Variants in TBC1D14 observed in about 807,000 individuals in gnomAD.
TBC1D14 encodes the protein TBC1 domain family, member 14.
TBC1D14 carries 26 observed loss-of-function variants against 79.0 expected under a neutral mutation model. The ratio of observed to expected loss-of-function variants is 0.33; its 90% CI spans 0.24 to 0.46. The LOEUF (loss-of-function observed/expected upper bound fraction) is 0.46. Ranked by LOEUF, TBC1D14 falls within the 20% of genes least tolerant of loss-of-function variation. The probability of loss-of-function intolerance (pLI) is 1.00; values close to 1 mark genes in which losing one functional copy is unlikely to be tolerated. For missense variants in TBC1D14, 769 were observed against 887.6 expected (o/e 0.87, Z 1.70); for synonymous variants, 394 against 349.9 (o/e 1.13, Z -1.40).
intron 3 of TBC1D14, among the ~76,000 whole-genome samples, chr4:6,975,762 A>G (rs1464161814): frequency 6.6e-6 from 1 of 152,234 alleles, no homozygotes; most frequent in African/African-American, 2.4e-5. Context: ...TGGAGATGGT[A>G]GAGGAAAGAG....
chr4:6,977,916 G>C (rs1423641311), intron 3 of TBC1D14, among the ~76,000 whole-genome samples: 2 of 148,406 alleles, frequency 1.3e-5, no homozygotes, highest in Non-Finnish European at 3.0e-5. Context: ...TGTGAGGAGC[G>C]TCTCTGCCCG....
intron 2 of TBC1D14, among the ~76,000 whole-genome samples, chr4:6,929,287 G>T (rs1482074064): frequency 6.6e-6 from 1 of 152,156 alleles, no homozygotes; most frequent in Non-Finnish European, 1.5e-5. Flanking sequence ...GCGATGAAAG[G>T]ACCATTCTAA....
intron 2 of TBC1D14, among the ~76,000 whole-genome samples, chr4:6,941,073 G>T (rs976681717): frequency 2.6e-5 from 4 of 152,002 alleles, no homozygotes; most frequent in Non-Finnish European, 4.4e-5. Context: ...TGGCTGTTCC[G>T]TGATCAACCA....
chr4:7,022,230 C>T (rs537124815), intron 12 of TBC1D14, among the ~76,000 whole-genome samples: 119 of 152,282 alleles, frequency 7.8e-4, no homozygotes, highest in Middle Eastern at 6.8e-3. Flanking sequence ...GTGCAGAGCT[C>T]TTGGAGTGGA....
intron 2 of TBC1D14, among the ~76,000 whole-genome samples, chr4:6,940,302 C>A (rs1712781254): frequency 6.6e-6 from 1 of 152,342 alleles, no homozygotes; most frequent in East Asian, 1.9e-4. Flanking sequence ...CAGCCCTGGT[C>A]TGTGGGACAA....
chr4:7,015,868 CAT>C (rs1219497506), intron 12 of TBC1D14, among the ~76,000 whole-genome samples: 21 of 152,346 alleles, frequency 1.4e-4, no homozygotes, highest in African/African-American at 3.4e-4. Context: ...CCACCCGACT[CAT>C]AGAAGGGGCT....
At chr4:6,978,771 G>A (rs1717086902) in intron 3 of TBC1D14, among the ~76,000 whole-genome samples, 2 of 151,058 alleles carry the variant, frequency 1.3e-5, no homozygotes, top group Admixed American at 1.3e-4. Flanking sequence ...AGAAAATCAG[G>A]GCACATAATA....
Position 7,005,363 on chromosome 4 carries a change from C to T in TBC1D14, c.1351+439C>T, listed in dbSNP as rs565196443. 5.9e-5 allele frequency among the ~76,000 whole-genome samples: 9 copies of T among 152,206 alleles called. No individual in the cohort carries two copies. The South Asian group carries it at 1.0e-3, about 18-fold the overall frequency. On this transcript the variant is annotated intron_variant, in intron 8 of 13. Transcript: ENST00000409757. ...AGCCTGGTCAACATGGCGAGACCCC[C>T]GTCTCTACTAAAAATAGAAAAATTA...
rs34129252 is a variant in TBC1D14 at position 6,914,135 on chromosome 4, CA to C, written c.-18+4199del. Reference sequence around the variant, plus strand: ...AGCCTGGGTGACAGAGACCCCATCTCAAAAAAAAAAAAAAAGTTCCACCTGT... The same window carrying C: ...AGCCTGGGTGACAGAGACCCCATCTCAAAAAAAAAAAAAAGTTCCACCTGT... On this transcript the variant is annotated intron_variant, in intron 1 of 13. Transcript: ENST00000409757. Among the ~76,000 whole-genome samples, 206 of 137,434 alleles carry C rather than the reference CA, an allele frequency of 1.5e-3. 1 individual carries two copies. Among genetic ancestry groups the C allele is most frequent in the Middle Eastern group, 3.7e-3 (1 of 268 alleles). 90.2% of individuals were successfully genotyped at this position (137,434 alleles called of 152,430 possible).
chr4:7,002,318 A>G (rs1719754377), intron 7 of TBC1D14, among the ~76,000 whole-genome samples: 1 of 152,254 alleles, frequency 6.6e-6, no homozygotes, highest in African/African-American at 2.4e-5. Flanking sequence ...AAGTATCCTC[A>G]GAAGTTGAGG....
At chr4:6,923,259 C>A (rs1396968200) in intron 1 of TBC1D14, 114 bp from the exon 2 acceptor site, 10 of 1,265,534 alleles carry the variant, frequency 7.9e-6, no homozygotes, top group Non-Finnish European at 1.1e-5. Flanking sequence ...GTATGTGGAA[C>A]CTTTTCAAGG....
chr4:7,004,521 C>G (rs533506648), intron 7 of TBC1D14, among the ~76,000 whole-genome samples: 2 of 152,188 alleles, frequency 1.3e-5, no homozygotes, highest in African/African-American at 4.8e-5. Context: ...AGAGCTTCAC[C>G]GTCTTGCCCC....
chr4:7,023,740 C>T (rs562758567), intron 12 of TBC1D14, among the ~76,000 whole-genome samples: 61 of 152,132 alleles, frequency 4.0e-4, no homozygotes, highest in Admixed American at 2.0e-3. Flanking sequence ...TGTCCTGAGG[C>T]GCGGTTCTGT....
chr4:6,946,878 T>C lies in TBC1D14; in HGVS notation c.723-20426T>C, dbSNP rs1713519126. Among the ~76,000 whole-genome samples, 3 of 152,316 alleles carry C rather than the reference T, an allele frequency of 2.0e-5. No individual in the cohort carries two copies. In the South Asian group the frequency reaches 6.2e-4, roughly 32 times the overall value. On this transcript the variant is annotated intron_variant, in intron 2 of 13. Coordinates refer to ENST00000409757, the MANE Select transcript of TBC1D14 (RefSeq NM_020773.3). ...ATATGGAAGGAACATAGTAATGTCA[T>C]TCCTTCCCTGAAATGCAATCCCTAG...
At chr4:7,011,375 C>CCCTCTG (rs1394928567) in intron 11 of TBC1D14, among the ~76,000 whole-genome samples, 2 of 152,068 alleles carry the variant, frequency 1.3e-5, no homozygotes, top group Non-Finnish European at 2.9e-5. Flanking sequence ...CCCAGATAAG[C>CCCTCTG]CCTCTGCGCA....
intron 2 of TBC1D14, among the ~76,000 whole-genome samples, chr4:6,965,815 C>A (rs1715652991): frequency 6.6e-6 from 1 of 152,234 alleles, no homozygotes; most frequent in Non-Finnish European, 1.5e-5. Context: ...CCACTCCTCG[C>A]TGGTGATGTT....
intron 5 of TBC1D14, among the ~76,000 whole-genome samples, chr4:6,997,935 G>A (rs2109179860): frequency 6.6e-6 from 1 of 152,290 alleles, no homozygotes; most frequent in African/African-American, 2.4e-5. Context: ...TCTGGTGATG[G>A]ATGGTGGTGT....
intron 3 of TBC1D14, among the ~76,000 whole-genome samples, chr4:6,978,809 G>A (rs1717091163): frequency 6.6e-6 from 1 of 151,066 alleles, no homozygotes; most frequent in African/African-American, 2.4e-5. Context: ...TCTAGAAAAT[G>A]AAATGACGTG....
At chr4:6,988,890 T>TTTC (rs1718179459) in intron 3 of TBC1D14, among the ~76,000 whole-genome samples, 1 of 118,444 alleles carries the variant, frequency 8.4e-6, no homozygotes, top group Non-Finnish European at 1.8e-5. Context: ...TCTTTCTTTT[T>TTTC]TTTTTTTTTT....
Sources: gnomAD v4.1 joint callset for allele counts (sites outside exome capture counted in the v4.1 genomes callset) on GRCh38, gnomAD v4.1.1 for gene constraint, MANE v1.5 for transcripts, NCBI Gene and HGNC (gene_info 2026-07-23, HGNC 2026-07-21) for gene names.